The following PVT1 variants were observed in gnomAD, a reference collection of about 807,000 sequenced individuals.
The protein encoded by PVT1 is Pvt1 oncogene, also known as CXCR4/PVT1 fusion.
intron 2 of PVT1, among the ~76,000 whole-genome samples, chr8:127,885,552 A>G (rs1007681206): frequency 6.6e-6 from 1 of 152,160 alleles, no homozygotes; most frequent in East Asian, 1.9e-4. Context: ...TACCTCTTTT[A>G]TAAGGGCACT....
intron 2 of PVT1, among the ~76,000 whole-genome samples, chr8:127,862,830 C>T (rs896547286): frequency 1.3e-5 from 2 of 152,134 alleles, no homozygotes; most frequent in African/African-American, 4.8e-5. Context: ...TGGTCATTTC[C>T]TTTGGGGTGT....
chr8:127,889,030 C>G (rs1340134327), intron 2 of PVT1, among the ~76,000 whole-genome samples: 2 of 90,258 alleles, frequency 2.2e-5, no homozygotes, highest in African/African-American at 4.5e-5. Flanking sequence ...TTTCCTTTCT[C>G]TCTTTCTTTC....
intron 3 of PVT1, among the ~76,000 whole-genome samples, chr8:127,975,097 G>A (rs1019587784): frequency 6.6e-6 from 1 of 152,192 alleles, no homozygotes; most frequent in Non-Finnish European, 1.5e-5. Context: ...CTAGTAGTTT[G>A]CCGTTACACT....
chr8:127,922,276 A>ACCCCC (rs33932004), intron 3 of PVT1, among the ~76,000 whole-genome samples: 1 of 112,176 alleles, frequency 8.9e-6, no homozygotes, highest in Admixed American at 8.9e-5. Context: ...CAAGATACCC[A>ACCCCC]CCCCCCCCCC....
intron 4 of PVT1, among the ~76,000 whole-genome samples, chr8:128,005,279 T>C (rs1817232617): frequency 6.6e-6 from 1 of 152,236 alleles, no homozygotes; most frequent in African/African-American, 2.4e-5. Context: ...GCTCATCAGC[T>C]ATCGTTAGTG....
At chr8:127,803,940 C>T (rs1253959215) in intron 2 of PVT1, among the ~76,000 whole-genome samples, 3 of 152,018 alleles carry the variant, frequency 2.0e-5, no homozygotes, top group Non-Finnish European at 2.9e-5. Context: ...AGGCTGATCT[C>T]GAACTCCTGA....
At chr8:128,055,844 T>C (rs1483303214) in intron 4 of PVT1, among the ~76,000 whole-genome samples, 1 of 152,206 alleles carries the variant, frequency 6.6e-6, no homozygotes, top group Middle Eastern at 3.2e-3. Flanking sequence ...AGTGGATAGA[T>C]GTGAAAGTTT....
intron 2 of PVT1, among the ~76,000 whole-genome samples, chr8:127,822,352 C>A (rs181008617): frequency 3.9e-5 from 6 of 152,112 alleles, no homozygotes; most frequent in Non-Finnish European, 1.5e-5. Context: ...CCAAGACGAG[C>A]GGATAGTTGA....
At chr8:128,089,146 C>T (rs997125106) in intron 5 of PVT1, among the ~76,000 whole-genome samples, 1 of 152,238 alleles carries the variant, frequency 6.6e-6, no homozygotes, top group African/African-American at 2.4e-5. Flanking sequence ...ACAGCCAAAA[C>T]TGATCTGATC....
chr8:127,956,513 T>C (rs1816570906), intron 3 of PVT1, among the ~76,000 whole-genome samples: 1 of 152,282 alleles, frequency 6.6e-6, no homozygotes, highest in South Asian at 2.1e-4. Context: ...TGAGACGAAG[T>C]CTCGCTCTGT....
intron 3 of PVT1, among the ~76,000 whole-genome samples, chr8:127,986,346 T>C (rs1472157643): frequency 2.6e-5 from 4 of 152,290 alleles, no homozygotes; most frequent in South Asian, 2.1e-4. Flanking sequence ...AAGCACAGCG[T>C]TGGGCCCAGC....
At chr8:128,046,715 G>C (rs1286703722) in intron 4 of PVT1, among the ~76,000 whole-genome samples, 1 of 152,206 alleles carries the variant, frequency 6.6e-6, no homozygotes. Context: ...ACTGCTCTGT[G>C]AGTACCATCT....
chr8:127,862,507 A>G (rs1364377290), intron 2 of PVT1, among the ~76,000 whole-genome samples: 1 of 152,122 alleles, frequency 6.6e-6, no homozygotes, highest in Non-Finnish European at 1.5e-5. Flanking sequence ...CTCAGTTCAT[A>G]GTTCATAGCT....
intron 4 of PVT1, among the ~76,000 whole-genome samples, chr8:128,005,001 A>T (rs966875907): frequency 1.3e-5 from 2 of 152,142 alleles, no homozygotes; most frequent in Admixed American, 1.3e-4. Flanking sequence ...TTAGCCAGGC[A>T]TGGTGGCACA....
At chr8:128,026,659 G>A (rs1238051983) in intron 4 of PVT1, among the ~76,000 whole-genome samples, 1 of 152,086 alleles carries the variant, frequency 6.6e-6, no homozygotes, top group Non-Finnish European at 1.5e-5. Flanking sequence ...TAGACCCCTG[G>A]GAAGGCAGGC....
chr8:127,848,267 C>G (rs1231709671), intron 2 of PVT1, among the ~76,000 whole-genome samples: 1 of 152,128 alleles, frequency 6.6e-6, no homozygotes, highest in Non-Finnish European at 1.5e-5. Context: ...TACACCTGAC[C>G]AAAGCCAGGT....
At chr8:128,094,753 C>G (rs1379492516) in intron 5 of PVT1, among the ~76,000 whole-genome samples, 1 of 152,214 alleles carries the variant, frequency 6.6e-6, no homozygotes, top group East Asian at 1.9e-4. Context: ...AGGGTCCAAG[C>G]CATGAAAACC....
intron 4 of PVT1, chr8:127,996,632 G>A (rs1817106679): frequency 6.6e-6 from 1 of 152,024 alleles, no homozygotes; most frequent in South Asian, 2.1e-4. Flanking sequence ...TTAAAGCAAA[G>A]TTTCATAAAG....
At chr8:128,063,507 G>A (rs1273660418) in intron 4 of PVT1, among the ~76,000 whole-genome samples, 1 of 152,000 alleles carries the variant, frequency 6.6e-6, no homozygotes, top group African/African-American at 2.4e-5. Context: ...GTGAGACTCT[G>A]TCTCAAAAAA....
Sources: allele counts gnomAD v4.1 joint callset (sites outside exome capture counted in the v4.1 genomes callset), GRCh38; gene constraint gnomAD v4.1.1; transcripts MANE v1.5; gene names NCBI Gene and HGNC (gene_info 2026-07-23, HGNC 2026-07-21).